The following MTSS1 variants were observed in gnomAD, a reference collection of about 807,000 sequenced individuals.
MTSS1 encodes MTSS I-BAR domain containing 1, also known as protein MTSS 1.
A neutral mutation model predicts 79.0 loss-of-function variants in MTSS1; 18 were observed. That is an observed-to-expected ratio of 0.23 (90% CI 0.16 to 0.34). The LOEUF (loss-of-function observed/expected upper bound fraction) is 0.34. Among genes scored for constraint, MTSS1 ranks in the 10% least tolerant of loss-of-function variants. The pLI is 1.00. For missense variants in MTSS1, 815 were observed against 986.2 expected (o/e 0.83, Z 2.33); for synonymous variants, 341 against 368.6 (o/e 0.93, Z 0.86).
intron 1 of MTSS1, among the ~76,000 whole-genome samples, chr8:124,725,460 C>T (rs1231162990): frequency 1.3e-5 from 2 of 152,080 alleles, no homozygotes; most frequent in Non-Finnish European, 2.9e-5. Context: ...TTTCCTTATC[C>T]TTTTCTCACC....
At chr8:124,672,652 T>TA (rs1360990234) in intron 3 of MTSS1, among the ~76,000 whole-genome samples, 10 of 140,768 alleles carry the variant, frequency 7.1e-5, no homozygotes, top group East Asian at 2.1e-4. Context: ...CAAAATAATT[T>TA]AAAAAAAAAT....
chr8:124,552,953 T>C lies in MTSS1; in HGVS notation c.*39A>G. ...ATCAAGACAAATTAGGTTTTATTAATGAAACAGTTCATTCCCCACCGGCGC... is the reference window on the plus strand; with the variant it reads ...ATCAAGACAAATTAGGTTTTATTAACGAAACAGTTCATTCCCCACCGGCGC... On this transcript the variant is annotated 3_prime_UTR_variant, in exon 14 of 14. Coordinates refer to ENST00000518547, the MANE Select transcript of MTSS1 (RefSeq NM_014751.6). The C allele has an allele frequency of 6.3e-7, 1 of 1,579,884 alleles. No homozygotes were observed. Among genetic ancestry groups the C allele is most frequent in the Non-Finnish European group, 8.6e-7 (1 of 1,156,206 alleles).
At chr8:124,563,591 G>T (rs2131974707) in intron 9 of MTSS1, among the ~76,000 whole-genome samples, 1 of 152,316 alleles carries the variant, frequency 6.6e-6, no homozygotes, top group East Asian at 1.9e-4. Flanking sequence ...ATGTTGGTGT[G>T]CATATGTTTT....
chr8:124,582,037 C>T lies in MTSS1; in HGVS notation c.460+3050G>A, dbSNP rs115878983. On this transcript the variant is annotated intron_variant, in intron 6 of 13. Transcript: ENST00000518547. The surrounding 1 kb of genome is among the most constrained non-coding windows in gnomAD (Gnocchi z 4.8). ...CATCTCCCCAGCATCCTGCCGCCTC[C>T]GTCCCTCCACCTGTCGGCAATGCTG... 2.7e-3 allele frequency among the ~76,000 whole-genome samples: 413 copies of T among 152,258 alleles called. No individual in the cohort carries two copies. Among genetic ancestry groups the T allele is most frequent in the African/African-American group, 5.6e-3 (234 of 41,550 alleles).
intron 6 of MTSS1, among the ~76,000 whole-genome samples, chr8:124,570,199 A>T (rs1827445068): frequency 6.6e-6 from 1 of 152,258 alleles, no homozygotes. Context: ...TTAGCACATT[A>T]TGAGAAAATT....
rs187242420 is a variant in MTSS1 at position 124,690,166 on chromosome 8, G to A, written c.208+9360C>T. Among the ~76,000 whole-genome samples the A allele has an allele frequency of 1.1e-4, 17 of 152,248 alleles. No individual in the cohort carries two copies. In the South Asian group the frequency reaches 2.3e-3, roughly 20 times the overall value. On this transcript the variant is annotated intron_variant, in intron 3 of 13. Transcript: ENST00000518547. ...CCTCCCCACTGCTGCTGCTCCCGCCGCCGCCACCACCATCGCATAATTCAC... is the reference window on the plus strand; with the variant it reads ...CCTCCCCACTGCTGCTGCTCCCGCCACCGCCACCACCATCGCATAATTCAC...
rs762594425 is a variant in MTSS1 at position 124,727,892 on chromosome 8, C to T, written c.64G>A (p.Asp22Asn). The change falls in exon 1 of 14, where the codon GAC becomes AAC. Residue 22 changes from aspartate (D) to asparagine (N), a missense_variant. Asp to Asn is a conservative substitution (Grantham distance 23). This residue lies in a region of MTSS1 where 225 missense variants were observed against 365.4 expected (regional missense o/e 0.62). Transcript: ENST00000518547. This position sits in a 1 kb window ranked among gnomAD's most constrained non-coding sequence, Gnocchi z 4.7. ...LGGLFQTIIS[D>N]MKGSYPVWED... The stretch of plus-strand genomic sequence containing the variant: ...CACCCCCGGCGTCCTACCTTCATGT[C>T]GCTGATGATGGTCTGGAAGAGGCCT... The T allele has an allele frequency of 2.2e-5, 35 of 1,602,564 alleles. No individual in the cohort carries two copies. The highest frequency in any genetic ancestry group is 4.1e-5 in the African/African-American group (3 of 73,416).
chr8:124,711,965 G>T (rs980318281), intron 1 of MTSS1, among the ~76,000 whole-genome samples: 1 of 149,868 alleles, frequency 6.7e-6, no homozygotes, highest in Non-Finnish European at 1.5e-5. Flanking sequence ...CCGAGATCAC[G>T]CCACTGCACT....
At chr8:124,618,692 C>G (rs1812876442) in intron 3 of MTSS1, among the ~76,000 whole-genome samples, 1 of 152,212 alleles carries the variant, frequency 6.6e-6, no homozygotes, top group South Asian at 2.1e-4. Context: ...TGCAATGACT[C>G]TGGTAGCTGG....
chr8:124,712,155 C>A (rs1831260944), intron 1 of MTSS1, among the ~76,000 whole-genome samples: 1 of 152,056 alleles, frequency 6.6e-6, no homozygotes, highest in Non-Finnish European at 1.5e-5. Flanking sequence ...TTTCTGTGAA[C>A]ACACAAACTG....
At chr8:124,633,394 C>G (rs1320856191) in intron 3 of MTSS1, among the ~76,000 whole-genome samples, 1 of 152,174 alleles carries the variant, frequency 6.6e-6, no homozygotes, top group African/African-American at 2.4e-5. Context: ...TATTGAGTGG[C>G]TTTGTCACTT....
At chr8:124,559,897 A>T (rs879371168) in intron 10 of MTSS1, among the ~76,000 whole-genome samples, 2 of 152,188 alleles carry the variant, frequency 1.3e-5, no homozygotes, top group Non-Finnish European at 2.9e-5. Context: ...AATTTATCTG[A>T]AAGTGTTCCT....
intron 3 of MTSS1, among the ~76,000 whole-genome samples, chr8:124,673,042 G>T (rs1463776737): frequency 6.6e-6 from 1 of 152,150 alleles, no homozygotes; most frequent in Non-Finnish European, 1.5e-5. Flanking sequence ...GTAACCCCAA[G>T]CTTGCAAATG....
chr8:124,666,737 T>C (rs1427354700), intron 3 of MTSS1, among the ~76,000 whole-genome samples: 1 of 152,076 alleles, frequency 6.6e-6, no homozygotes, highest in Non-Finnish European at 1.5e-5. Flanking sequence ...GGAGGGGTCA[T>C]CAGCGCAGAG....
At chr8:124,640,123 C>A (rs966168074) in intron 3 of MTSS1, among the ~76,000 whole-genome samples, 5 of 152,182 alleles carry the variant, frequency 3.3e-5, no homozygotes, top group Non-Finnish European at 5.9e-5. Context: ...GAATGTCTGG[C>A]CTCCCCTAGG....
At chr8:124,558,886 C>A in intron 10 of MTSS1, 1 of 1,493,862 alleles carries the variant, frequency 6.7e-7, no homozygotes, top group Non-Finnish European at 8.9e-7. Flanking sequence ...AGCCACACAC[C>A]ACCAAAATAT....
intron 9 of MTSS1, chr8:124,563,403 C>A: frequency 4.7e-6 from 1 of 212,276 alleles, no homozygotes; most frequent in Non-Finnish European, 9.6e-6. Flanking sequence ...GAACCATGAG[C>A]CTGCAGCAAA....
chr8:124,667,548 G>A (rs1823327496), intron 3 of MTSS1, among the ~76,000 whole-genome samples: 1 of 152,152 alleles, frequency 6.6e-6, no homozygotes, highest in Admixed American at 6.5e-5. Context: ...GGAGGCTGAG[G>A]CAGGAGAATT....
chr8:124,590,423 G>A (rs538087339), intron 4 of MTSS1, among the ~76,000 whole-genome samples: 1 of 152,272 alleles, frequency 6.6e-6, no homozygotes, highest in East Asian at 1.9e-4. Flanking sequence ...TGTGCATGCG[G>A]CATGACAGGT....
Sources: allele counts gnomAD v4.1 joint callset (sites outside exome capture counted in the v4.1 genomes callset), GRCh38; gene constraint gnomAD v4.1.1; regional missense constraint gnomAD v4.1.1; non-coding constraint Gnocchi (gnomAD v3.1); transcripts MANE v1.5; gene names NCBI Gene and HGNC (gene_info 2026-07-23, HGNC 2026-07-21).